Variants in TTC28 observed in about 807,000 individuals in gnomAD.
TTC28 encodes the protein tetratricopeptide repeat protein 28.
Under a neutral mutation model 198.0 loss-of-function variants are expected in TTC28, and 61 were observed. That is an observed-to-expected ratio of 0.31 (90% CI 0.25 to 0.38). TTC28 has a LOEUF of 0.38. Among genes scored for constraint, TTC28 ranks in the 10% least tolerant of loss-of-function variants. TTC28 has a pLI of 1.00. For synonymous variants in TTC28, 1,171 were observed against 1,297.8 expected (o/e 0.90, Z 2.10); for missense variants, 2,678 against 3,164.0 (o/e 0.85, Z 3.69).
chr22:28,609,338 C>T (rs778213707), intron 2 of TTC28, among the ~76,000 whole-genome samples: 1 of 152,188 alleles, frequency 6.6e-6, no homozygotes, highest in Non-Finnish European at 1.5e-5. Flanking sequence ...TTAGCAAGAT[C>T]GATGCAGAAG....
chr22:28,532,032 T>G (rs2049151848), intron 2 of TTC28, among the ~76,000 whole-genome samples: 1 of 152,062 alleles, frequency 6.6e-6, no homozygotes, highest in African/African-American at 2.4e-5. Flanking sequence ...GTGCAAAAGC[T>G]AGCAGAAGGC....
At chr22:28,169,206 C>A (rs1479135407) in intron 5 of TTC28, among the ~76,000 whole-genome samples, 2 of 152,140 alleles carry the variant, frequency 1.3e-5, no homozygotes, top group African/African-American at 4.8e-5. Flanking sequence ...GAAATAGGAA[C>A]ACTTTTACAC....
At chr22:28,210,563 A>G (rs995799541) in intron 5 of TTC28, among the ~76,000 whole-genome samples, 1 of 152,178 alleles carries the variant, frequency 6.6e-6, no homozygotes, top group African/African-American at 2.4e-5. Context: ...AATGAATGAA[A>G]TGAAGCAAGA....
chr22:28,550,692 C>T (rs906945644), intron 2 of TTC28, among the ~76,000 whole-genome samples: 81 of 151,792 alleles, frequency 5.3e-4, no homozygotes, highest in African/African-American at 1.6e-3. Context: ...GACATAAATG[C>T]GAAGGTTTAA....
At chr22:28,424,969 A>C (rs989873814) in intron 2 of TTC28, among the ~76,000 whole-genome samples, 5 of 152,212 alleles carry the variant, frequency 3.3e-5, no homozygotes, top group Non-Finnish European at 7.3e-5. Flanking sequence ...AATAAACCAC[A>C]ATGCTACTCA....
intron 6 of TTC28, among the ~76,000 whole-genome samples, chr22:28,156,947 G>C (rs975321174): frequency 1.1e-4 from 17 of 152,046 alleles, no homozygotes; most frequent in Non-Finnish European, 2.5e-4. Context: ...AAAAAATTAA[G>C]ATCAGAGCAG....
At chr22:28,621,556 A>T (rs948491657) in intron 2 of TTC28, among the ~76,000 whole-genome samples, 10 of 151,468 alleles carry the variant, frequency 6.6e-5, no homozygotes, top group East Asian at 3.9e-4. Context: ...CACTAAAAAA[A>T]AATAATAATA....
chr22:28,036,629 A>T (rs1431200455), intron 12 of TTC28, among the ~76,000 whole-genome samples: 1 of 152,238 alleles, frequency 6.6e-6, no homozygotes, highest in Non-Finnish European at 1.5e-5. Flanking sequence ...AAGAGCAAAC[A>T]CGTTCAAAAA....
intron 2 of TTC28, among the ~76,000 whole-genome samples, chr22:28,528,967 G>A (rs527892344): frequency 2.6e-5 from 4 of 152,256 alleles, no homozygotes; most frequent in Admixed American, 2.6e-4. Flanking sequence ...TTACCAAATA[G>A]GAACAACTCC....
chr22:27,990,657 GGGGCGCCGCAGCCCGTGT>G, intron 20 of TTC28, 114 bp downstream of exon 20: 1 of 804,008 alleles, frequency 1.2e-6, no homozygotes, highest in Non-Finnish European at 1.9e-6. Context: ...CGCACCCGCG[GGGGCGCCGCAGCCCGTGT>G]GGCTCCGTTT....
chr22:28,502,021 T>C (rs535851840), intron 2 of TTC28, among the ~76,000 whole-genome samples: 16 of 152,286 alleles, frequency 1.1e-4, no homozygotes, highest in Non-Finnish European at 2.2e-4. Context: ...AAAGCATATG[T>C]TTTTTCCATC....
rs953222672 is a variant in TTC28, at chr22:28,106,958, T to G, written c.2783+104A>C. The G allele has an allele frequency of 5.1e-6, 7 of 1,382,702 alleles. No individual in the cohort carries two copies. The African/African-American group carries it at 1.0e-4, about 20-fold the overall frequency. The allele number at this position is 1,382,702 out of a possible 1,614,324, so 85.7% of individuals were successfully genotyped here. A position where few individuals can be genotyped will look rare whatever the true frequency, so the allele number is the denominator to read the frequency against. ...GAATCAGATGAGATATGTACGAAAA[T>G]GTTTGTAGTTAACAAACTGCCATGC... On this transcript the variant is annotated intron_variant, in intron 7 of 22. Transcript: ENST00000397906.
At chr22:28,562,071 ACACT>A (rs1299669530) in intron 2 of TTC28, among the ~76,000 whole-genome samples, 7 of 152,210 alleles carry the variant, frequency 4.6e-5, no homozygotes, top group African/African-American at 1.7e-4. Context: ...ATGAAAATTC[ACACT>A]CACACAAAAA....
intron 21 of TTC28, 196 bp from the exon 22 acceptor site, chr22:27,985,552 C>G (rs530500738): frequency 2.5e-4 from 123 of 487,912 alleles, no homozygotes; most frequent in Admixed American, 9.3e-4. Context: ...CCACCCAGAA[C>G]ATCCACTCTA....
chr22:28,330,435 A>G (rs1331971502), intron 2 of TTC28, among the ~76,000 whole-genome samples: 1 of 152,166 alleles, frequency 6.6e-6, no homozygotes, highest in Non-Finnish European at 1.5e-5. Flanking sequence ...GGTCCCTTGC[A>G]CCACATGATT....
chr22:28,289,853 C>T (rs1002326720), intron 5 of TTC28, among the ~76,000 whole-genome samples: 2 of 152,036 alleles, frequency 1.3e-5, no homozygotes, highest in African/African-American at 4.8e-5. Flanking sequence ...TGGTGAAACC[C>T]CATCTCTACT....
rs138635 is a variant in TTC28 at position 27,981,230 on chromosome 22, A to ATTTTTTTTTTTTTTTTT, written c.*974_*990dup. On this transcript the variant is annotated 3_prime_UTR_variant, in exon 23 of 23. Coordinates refer to ENST00000397906, the MANE Select transcript of TTC28 (RefSeq NM_001145418.2). ...TGGTTAAATCTAGTTAGCCATGGAA[A>ATTTTTTTTTTTTTTTTT]TTTTTTTTTTTTTTTTTTTTTTTTT... 4.2e-5 allele frequency: 2 copies of ATTTTTTTTTTTTTTTTT among 48,176 alleles called. No homozygotes were observed. Among genetic ancestry groups the ATTTTTTTTTTTTTTTTT allele is most frequent in the South Asian group, 9.7e-4 (1 of 1,036 alleles). 3.0% of individuals were successfully genotyped at this position (48,176 alleles called of 1,614,324 possible).
At position 28,097,778 on chromosome 22, in the gene TTC28, GTA is replaced by G. The variant is rs528857487; in HGVS notation, c.3547+1135_3547+1136del. Among the ~76,000 whole-genome samples, 63 of 152,288 alleles carry G rather than the reference GTA, an allele frequency of 4.1e-4. 1 individual carries two copies. The highest frequency in any genetic ancestry group is 2.1e-3 in the South Asian group (10 of 4,820). On this transcript the variant is annotated intron_variant, in intron 10 of 22. Coordinates refer to ENST00000397906, the MANE Select transcript of TTC28 (RefSeq NM_001145418.2). ...GGGTATCAGAAGCAAGTGGAGATTT[GTA>G]TGTGTGTATGTAAATGTCTCCTTTT...
At chr22:28,313,719 A>T (rs763648216) in intron 2 of TTC28, among the ~76,000 whole-genome samples, 1 of 152,174 alleles carries the variant, frequency 6.6e-6, no homozygotes, top group Non-Finnish European at 1.5e-5. Flanking sequence ...TCTCAGCATA[A>T]TAAGAGCTGT....
Sources: allele counts gnomAD v4.1 joint callset (sites outside exome capture counted in the v4.1 genomes callset), GRCh38; gene constraint gnomAD v4.1.1; transcripts MANE v1.5; gene names NCBI Gene and HGNC (gene_info 2026-07-23, HGNC 2026-07-21).